The following ANK2 variants were observed in gnomAD, a reference collection of about 807,000 sequenced individuals.
ANK2 encodes the protein ankyrin-2.
A neutral mutation model predicts 360.5 loss-of-function variants in ANK2; 83 were observed. That is an observed-to-expected ratio of 0.23 (90% confidence interval 0.19 to 0.28). The LOEUF (loss-of-function observed/expected upper bound fraction) is 0.28, where lower values mean the gene tolerates loss of function less well. Ranked by LOEUF, ANK2 falls within the 10% of genes least tolerant of loss-of-function variation. ANK2 has a pLI of 1.00. For synonymous variants in ANK2, 1,740 were observed against 1,759.5 expected, an observed-to-expected ratio of 0.99 and a Z score of 0.28; for missense variants, 4,201 against 4,795.7, an observed-to-expected ratio of 0.88 and a Z score of 3.66.
At chr4:113,264,653 T>A (rs1320439668) in intron 13 of ANK2, among the ~76,000 whole-genome samples, 2 of 149,268 alleles carry the variant, frequency 1.3e-5, no homozygotes, top group East Asian at 3.9e-4. Flanking sequence ...ACCCTGGAGG[T>A]GGAGGTTGTG....
intron 7 of ANK2, 75 bp from the exon 8 acceptor site, chr4:113,240,410 C>T: frequency 8.9e-7 from 1 of 1,119,270 alleles, no homozygotes; most frequent in African/African-American, 1.5e-5. Flanking sequence ...ACCATGTGAC[C>T]TTCTTCACTA....
intron 2 of ANK2, among the ~76,000 whole-genome samples, chr4:113,008,077 G>C (rs2053509986): frequency 6.7e-6 from 1 of 149,340 alleles, no homozygotes; most frequent in South Asian, 2.1e-4. Context: ...TGGAAAAAGT[G>C]GTACCTACAC....
intron 44 of ANK2, 39 bp from the exon 45 acceptor site, chr4:113,373,246 T>C (rs763661042): frequency 6.2e-7 from 1 of 1,613,488 alleles, no homozygotes; most frequent in Admixed American, 1.7e-5. Flanking sequence ...CATGGTACTG[T>C]CACACAAAAA....
intron 1 of ANK2, among the ~76,000 whole-genome samples, chr4:113,129,435 C>T (rs17045646): frequency 0.2 from 30,797 of 152,038 alleles, 3,911 homozygotes; most frequent in East Asian, 0.51. Context: ...GGCTATTGAA[C>T]TCCCAGATGT....
At position 113,353,281 on chromosome 4, in the gene ANK2, G is replaced by A; in HGVS notation, c.4663G>A (p.Val1555Ile). 6.2e-7 allele frequency: 1 copy of A among 1,613,926 alleles called. No individual in the cohort carries two copies. Among genetic ancestry groups the A allele is most frequent in the Non-Finnish European group, 8.5e-7 (1 of 1,179,920 alleles). Residue 1555 changes from valine to isoleucine, a missense_variant, in exon 38 of 46, where the codon GTT becomes ATT. This residue lies in a region of ANK2 where 1,268 missense variants were observed against 1,650.8 expected (regional missense o/e 0.77). Transcript: ENST00000357077. ...AGAGCCTTTTGAAATCGTTGAAAGA[G>A]TTAAAGAGGACTTAGAGAAAGTGAA... Reference protein sequence around the residue: ...PGEPFEIVERVKEDLEKVNEI... With the variant: ...PGEPFEIVERIKEDLEKVNEI...
chr4:112,999,520 T>C (rs1218211377), intron 2 of ANK2, among the ~76,000 whole-genome samples: 1 of 152,180 alleles, frequency 6.6e-6, no homozygotes, highest in Admixed American at 6.6e-5. Context: ...ATTCCTGAAG[T>C]GTATATATAC....
chr4:113,290,234 G>A (rs1434083119), intron 20 of ANK2, among the ~76,000 whole-genome samples: 1 of 151,042 alleles, frequency 6.6e-6, no homozygotes, highest in African/African-American at 2.4e-5. Flanking sequence ...TATATCTTTA[G>A]GGAAATAGAT....
chr4:112,753,584 C>T, the ANK2 span, among the ~76,000 whole-genome samples: 8 of 152,194 alleles, frequency 5.3e-5, no homozygotes, highest in East Asian at 1.9e-4. Flanking sequence ...GCACAAGATA[C>T]GGGTCATAAA....
intron 2 of ANK2, among the ~76,000 whole-genome samples, chr4:113,030,180 G>T (rs2060099709): frequency 6.6e-6 from 1 of 151,986 alleles, no homozygotes; most frequent in Non-Finnish European, 1.5e-5. Context: ...AATCAGAAAA[G>T]AGTCAATTGT....
intron 1 of ANK2, among the ~76,000 whole-genome samples, chr4:113,111,937 T>C (rs928621272): frequency 1.3e-5 from 2 of 152,156 alleles, no homozygotes; most frequent in Non-Finnish European, 1.5e-5. Flanking sequence ...TTCATATCCA[T>C]GAGGACAAGG....
intron 5 of ANK2, among the ~76,000 whole-genome samples, chr4:113,234,834 G>A (rs1020570474): frequency 5.3e-5 from 8 of 152,136 alleles, no homozygotes; most frequent in Non-Finnish European, 1.5e-5. Context: ...CTTAGCATTG[G>A]TAAATAAATG....
chr4:112,715,513 T>C, the ANK2 span, among the ~76,000 whole-genome samples: 2 of 152,222 alleles, frequency 1.3e-5, no homozygotes, highest in Admixed American at 1.3e-4. Flanking sequence ...AGCACGTTAT[T>C]TTTGTCATCG....
the ANK2 span, among the ~76,000 whole-genome samples, chr4:112,802,013 G>T: frequency 6.6e-6 from 1 of 151,884 alleles, no homozygotes; most frequent in African/African-American, 2.4e-5. Context: ...AAATTTGTGT[G>T]ATATTTTCCA....
chr4:112,988,600 T>C (rs1284200654), intron 2 of ANK2, among the ~76,000 whole-genome samples: 2 of 152,180 alleles, frequency 1.3e-5, no homozygotes, highest in East Asian at 1.9e-4. Context: ...GATTTAAGGA[T>C]GGAAATGGAA....
intron 26 of ANK2, among the ~76,000 whole-genome samples, chr4:113,319,537 C>T (rs1207476859): frequency 6.6e-6 from 1 of 151,690 alleles, no homozygotes; most frequent in East Asian, 1.9e-4. Context: ...TAGATCCTTT[C>T]TTATTTTTAT....
intron 1 of ANK2, among the ~76,000 whole-genome samples, chr4:112,821,329 A>C (rs2056965773): frequency 6.6e-6 from 1 of 152,166 alleles, no homozygotes; most frequent in Non-Finnish European, 1.5e-5. Flanking sequence ...GATTACAGGC[A>C]TGCACCATCA....
At chr4:112,853,109 G>T (rs576342307) in intron 1 of ANK2, among the ~76,000 whole-genome samples, 9 of 151,444 alleles carry the variant, frequency 5.9e-5, no homozygotes, top group African/African-American at 1.9e-4. Flanking sequence ...TCGCTCTCTC[G>T]CCAGGCTAGA....
chr4:112,740,659 G>A, the ANK2 span, among the ~76,000 whole-genome samples: 109 of 151,886 alleles, frequency 7.2e-4, no homozygotes, highest in African/African-American at 2.4e-3. Flanking sequence ...CCGAGATCTT[G>A]GCATTTCACG....
At chr4:113,238,569 A>G (rs1384783288) in intron 7 of ANK2, among the ~76,000 whole-genome samples, 1 of 152,220 alleles carries the variant, frequency 6.6e-6, no homozygotes, top group African/African-American at 2.4e-5. Context: ...ACAAATTGAT[A>G]TCTTAATAAC....
Sources: allele counts gnomAD v4.1 joint callset (sites outside exome capture counted in the v4.1 genomes callset), GRCh38; gene constraint gnomAD v4.1.1; regional missense constraint gnomAD v4.1.1; transcripts MANE v1.5; gene names NCBI Gene and HGNC (gene_info 2026-07-23, HGNC 2026-07-21).